ROBO2: variants seen among roughly 807,000 people sequenced by gnomAD.
The protein encoded by ROBO2 is roundabout homolog 2.
In ROBO2, 53 loss-of-function variants were observed where a neutral mutation model predicts 160.8. That is an observed-to-expected ratio of 0.33 (90% CI 0.26 to 0.41). ROBO2 has a LOEUF of 0.41. Among genes scored for constraint, ROBO2 ranks in the 10% least tolerant of loss-of-function variants. The probability of loss-of-function intolerance (pLI) is 1.00; values close to 1 mark genes in which losing one functional copy is unlikely to be tolerated. For missense variants in ROBO2, 1,577 were observed against 1,722.4 expected, an observed-to-expected ratio of 0.92 and a Z score of 1.49; for synonymous variants, 664 against 611.7, an observed-to-expected ratio of 1.09 and a Z score of -1.26.
intron 23 of ROBO2, among the ~76,000 whole-genome samples, chr3:77,625,997 A>G (rs2095016173): frequency 6.6e-6 from 1 of 152,182 alleles, no homozygotes; most frequent in Non-Finnish European, 1.5e-5. Context: ...TACCCACCTG[A>G]TAAATGGAAG....
chr3:76,650,381 A>G (rs1650119822), intron 2 of ROBO2, among the ~76,000 whole-genome samples: 3 of 152,004 alleles, frequency 2.0e-5, no homozygotes, highest in Admixed American at 1.3e-4. Context: ...GCTAATTACT[A>G]GGCTATTTTC....
At chr3:77,181,965 C>T (rs973927666) in intron 2 of ROBO2, among the ~76,000 whole-genome samples, 2 of 151,946 alleles carry the variant, frequency 1.3e-5, no homozygotes, top group African/African-American at 4.8e-5. Context: ...GAGTACTTCA[C>T]GTTTCACAAA....
chr3:76,453,912 G>A (rs889151439), intron 2 of ROBO2, among the ~76,000 whole-genome samples: 3 of 152,012 alleles, frequency 2.0e-5, no homozygotes, highest in Admixed American at 6.6e-5. Context: ...ATAAAATAAG[G>A]CCTAAAGAAA....
intron 2 of ROBO2, among the ~76,000 whole-genome samples, chr3:76,615,836 C>A (rs770526627): frequency 1.3e-5 from 2 of 152,160 alleles, no homozygotes; most frequent in Non-Finnish European, 2.9e-5. Context: ...ACTTTCGAGG[C>A]TCACAACATA....
At chr3:76,348,694 C>G (rs1213956234) in intron 2 of ROBO2, among the ~76,000 whole-genome samples, 1 of 152,088 alleles carries the variant, frequency 6.6e-6, no homozygotes, top group African/African-American at 2.4e-5. Flanking sequence ...ATATCTGCTT[C>G]TCCATCTCCC....
intron 2 of ROBO2, among the ~76,000 whole-genome samples, chr3:76,855,764 C>T (rs60605692): frequency 0.031 from 4,690 of 152,126 alleles, 197 homozygotes; most frequent in East Asian, 0.12. Context: ...TTTCTTAATT[C>T]ATAATGCATT....
intron 2 of ROBO2, among the ~76,000 whole-genome samples, chr3:77,289,601 G>C (rs112735754): frequency 1.3e-5 from 2 of 150,834 alleles, no homozygotes; most frequent in Non-Finnish European, 3.0e-5. Flanking sequence ...AAGACATAAA[G>C]TAAAATTGAC....
rs1577068434 is a variant in ROBO2, at chr3:76,418,964, T to A, written c.109+481362T>A. On this transcript the variant is annotated intron_variant, in intron 2 of 26. Coordinates refer to the ROBO2 transcript ENST00000487694. ...CAATCTTCTTTTTGTTTATGGGAAT[T>A]AAGAATGTCTTACTAAAATACCATT... Among the ~76,000 whole-genome samples the A allele has an allele frequency of 4.0e-5, 6 of 151,620 alleles. 2 individuals carry two copies. The highest frequency in any genetic ancestry group is 4.0e-4 in the Admixed American group (6 of 15,188).
intron 2 of ROBO2, among the ~76,000 whole-genome samples, chr3:76,306,277 G>C (rs1214822807): frequency 6.6e-6 from 1 of 151,816 alleles, no homozygotes; most frequent in Non-Finnish European, 1.5e-5. Context: ...TCAAAAGCTT[G>C]GTGACAATTT....
At chr3:76,285,254 C>G (rs915012026) in intron 2 of ROBO2, among the ~76,000 whole-genome samples, 3 of 152,036 alleles carry the variant, frequency 2.0e-5, no homozygotes, top group Non-Finnish European at 4.4e-5. Context: ...ATTCTTCTCA[C>G]CTTCATTTGA....
At chr3:76,041,239 G>A (rs913010234) in intron 2 of ROBO2, among the ~76,000 whole-genome samples, 1 of 152,034 alleles carries the variant, frequency 6.6e-6, no homozygotes, top group African/African-American at 2.4e-5. Flanking sequence ...AAATCTTACT[G>A]CTGAGGAAGA....
chr3:77,311,475 T>C (rs1353028064), intron 2 of ROBO2, among the ~76,000 whole-genome samples: 1 of 152,240 alleles, frequency 6.6e-6, no homozygotes, highest in Non-Finnish European at 1.5e-5. Flanking sequence ...TAAGATCTAA[T>C]GCTAAGTTCA....
intron 2 of ROBO2, among the ~76,000 whole-genome samples, chr3:76,331,966 G>A (rs1362749195): frequency 3.3e-5 from 5 of 152,086 alleles, no homozygotes; most frequent in Non-Finnish European, 1.5e-5. Context: ...TTACAGGAGT[G>A]AGCCACTGCG....
rs761219401 is a variant in ROBO2 at position 77,040,812 on chromosome 3, A to G, written c.27A>G (p.Leu9=). The G allele has an allele frequency of 1.2e-5, 20 of 1,613,936 alleles. No homozygotes were observed. In the East Asian group the frequency reaches 3.8e-4, roughly 31 times the overall value. ...TGAGTCTGCTGATGTTTACACAACT[A>G]CTGCTCTGTGGATTTTTATATGTTC... The change falls in exon 1 of 26, where the codon CTA becomes CTG. Residue 9 remains leucine (L), a synonymous_variant. Coordinates refer to ENST00000461745, the Ensembl canonical transcript of ROBO2.
chr3:75,939,259 G>A (rs902881597), intron 2 of ROBO2, among the ~76,000 whole-genome samples: 154 of 152,206 alleles, frequency 1.0e-3, no homozygotes, highest in Non-Finnish European at 2.0e-3. Context: ...TATCACACAG[G>A]GTTGCTAAAA....
intron 2 of ROBO2, among the ~76,000 whole-genome samples, chr3:77,024,865 C>T (rs553018826): frequency 1.3e-5 from 2 of 151,910 alleles, no homozygotes; most frequent in South Asian, 4.1e-4. Context: ...GGAAAAGACA[C>T]GTTTTGGAGT....
At chr3:77,001,479 G>C (rs760712606) in intron 2 of ROBO2, among the ~76,000 whole-genome samples, 8 of 152,048 alleles carry the variant, frequency 5.3e-5, no homozygotes, top group Non-Finnish European at 1.0e-4. Flanking sequence ...CTTATTCAAA[G>C]AACAGCAGAT....
chr3:77,265,988 G>A (rs2059096963), intron 2 of ROBO2, among the ~76,000 whole-genome samples: 1 of 151,930 alleles, frequency 6.6e-6, no homozygotes, highest in Non-Finnish European at 1.5e-5. Flanking sequence ...AATTTTGGGG[G>A]GTGCATGTAA....
intron 2 of ROBO2, among the ~76,000 whole-genome samples, chr3:76,876,769 CACA>C (rs2072776387): frequency 2.0e-5 from 3 of 151,958 alleles, no homozygotes; most frequent in African/African-American, 7.2e-5. Flanking sequence ...ATAATTAATG[CACA>C]AGTGTTTAAC....
Sources: allele counts gnomAD v4.1 joint callset (sites outside exome capture counted in the v4.1 genomes callset), GRCh38; gene constraint gnomAD v4.1.1; transcripts MANE v1.5; gene names NCBI Gene and HGNC (gene_info 2026-07-23, HGNC 2026-07-21).